The following CUBN variants were observed in gnomAD, a reference collection of about 807,000 sequenced individuals.
The protein encoded by CUBN is cubilin, also known as 460 kDa receptor.
In CUBN, 282 loss-of-function variants were observed where a neutral mutation model predicts 405.3. The observed-to-expected ratio is 0.70, with a 90% confidence interval of 0.63 to 0.77. The LOEUF is 0.77. CUBN is among the 30% of genes least tolerant of loss of function. CUBN has a pLI of 0.00. For missense variants in CUBN, 4,514 were observed against 4,475.2 expected (o/e 1.01, Z -0.25); for synonymous variants, 1,684 against 1,617.0 (o/e 1.04, Z -0.99).
rs1160144735 is a variant in CUBN, at chr10:16,990,429, A to T, written c.4255T>A (p.Trp1419Arg). 1 of 1,614,172 alleles carries T rather than the reference A, an allele frequency of 6.2e-7. No homozygotes were observed. ...NRYPPNKECI[W>R]YIRTDPGSSI... The stretch of plus-strand genomic sequence containing the variant: ...CTCCCGGGGTCCGTCCTAATGTACC[A>T]GATACACTCCTTGTTTGGTGGATAC... The change falls in exon 29 of 67, where the codon TGG (tryptophan) becomes AGG (arginine). Residue 1419 changes from tryptophan (W) to arginine (R), a missense_variant. Physicochemically the swap from Trp to Arg is moderately radical, Grantham distance 101 (BLOSUM62 -3). Around this residue, in one of 5 missense-constraint regions of CUBN, gnomAD observed 1,613 missense variants for 1,542.8 expected, o/e 1.05. Coordinates refer to ENST00000377833, the MANE Select transcript of CUBN (RefSeq NM_001081.4).
chr10:16,875,046 G>C (rs192110975), intron 57 of CUBN, among the ~76,000 whole-genome samples: 284 of 152,054 alleles, frequency 1.9e-3, no homozygotes, highest in Middle Eastern at 3.4e-3. Flanking sequence ...CAAATGTATA[G>C]CTCTCCAGTC....
At chr10:16,888,219 C>T (rs943086345) in intron 56 of CUBN, among the ~76,000 whole-genome samples, 198 bp downstream of exon 56, 9 of 152,000 alleles carry the variant, frequency 5.9e-5, no homozygotes, top group South Asian at 2.1e-4. Context: ...GATTACTTGC[C>T]GAATACTTAA....
At chr10:17,027,140 T>C (rs1052672442) in intron 27 of CUBN, among the ~76,000 whole-genome samples, 1 of 152,244 alleles carries the variant, frequency 6.6e-6, no homozygotes, top group Non-Finnish European at 1.5e-5. Flanking sequence ...ATTACTCCTA[T>C]TAGAAGCCAC....
chr10:17,125,677 G>C (rs1588660473), intron 4 of CUBN, among the ~76,000 whole-genome samples: 1 of 152,180 alleles, frequency 6.6e-6, no homozygotes, highest in Non-Finnish European at 1.5e-5. Context: ...GTGGTGGCCA[G>C]AGAGCATTTG....
At chr10:17,026,291 T>A (rs1046010043) in intron 27 of CUBN, among the ~76,000 whole-genome samples, 1 of 152,130 alleles carries the variant, frequency 6.6e-6, no homozygotes, top group African/African-American at 2.4e-5. Flanking sequence ...TACTTTAAAT[T>A]TGAAGGGCTT....
chr10:16,833,412 G>A (rs569179511), intron 64 of CUBN, among the ~76,000 whole-genome samples: 1 of 152,294 alleles, frequency 6.6e-6, no homozygotes, highest in South Asian at 2.1e-4. Flanking sequence ...CTTCCTCCGA[G>A]TGTTATTTAT....
At chr10:16,987,575 T>G (rs45503398) in intron 29 of CUBN, among the ~76,000 whole-genome samples, 1,557 of 152,302 alleles carry the variant, frequency 0.01, 18 homozygotes, top group Non-Finnish European at 0.015. Flanking sequence ...GGCTTCTGAA[T>G]AAATTTTGTG....
intron 36 of CUBN, among the ~76,000 whole-genome samples, chr10:16,942,526 A>T (rs7908452): frequency 0.35 from 53,129 of 152,016 alleles, 12,280 homozygotes; most frequent in African/African-American, 0.65. Context: ...AAAACCACAA[A>T]GAGATAACAC....
intron 28 of CUBN, among the ~76,000 whole-genome samples, chr10:17,014,231 C>T (rs1431258507): frequency 6.6e-6 from 1 of 152,132 alleles, no homozygotes; most frequent in Non-Finnish European, 1.5e-5. Context: ...GTGGGGTTGT[C>T]CCATGAGTCT....
chr10:17,044,436 T>C (rs531805906), intron 25 of CUBN, among the ~76,000 whole-genome samples: 125 of 152,036 alleles, frequency 8.2e-4, no homozygotes, highest in African/African-American at 2.3e-3. Flanking sequence ...GCTGTGGACA[T>C]GTGCAGCAGT....
intron 45 of CUBN, 95 bp from the exon 46 acceptor site, chr10:16,916,125 C>A (rs1328722934): frequency 4.8e-6 from 6 of 1,253,734 alleles, no homozygotes; most frequent in Non-Finnish European, 5.6e-6. Context: ...TTCACCAGCA[C>A]ATTTGAAAAC....
intron 31 of CUBN, among the ~76,000 whole-genome samples, chr10:16,956,619 G>A (rs533530274): frequency 4.1e-4 from 62 of 151,932 alleles, no homozygotes; most frequent in Non-Finnish European, 3.4e-4. Context: ...GCTGTCCTAA[G>A]GTTATAGATA....
At chr10:17,122,124 GC>G (rs1478066742) in intron 6 of CUBN, 1 of 154,094 alleles carries the variant, frequency 6.5e-6, no homozygotes, top group African/African-American at 2.4e-5. Context: ...GAACATAGAG[GC>G]CCTGAGATGC....
chr10:17,102,622 T>TTA (rs1165747510), intron 13 of CUBN, among the ~76,000 whole-genome samples: 1 of 127,436 alleles, frequency 7.8e-6, no homozygotes, highest in African/African-American at 3.1e-5. Flanking sequence ...TTTTTTTTTT[T>TTA]GTGAGATGGA....
At chr10:17,106,294 AT>A (rs1240052385) in intron 10 of CUBN, among the ~76,000 whole-genome samples, 1 of 148,914 alleles carries the variant, frequency 6.7e-6, no homozygotes, top group East Asian at 2.0e-4. Flanking sequence ...CCAAGAAAAA[AT>A]TTTTTAATTA....
chr10:17,031,264 C>G (rs1255755672), intron 27 of CUBN, among the ~76,000 whole-genome samples: 1 of 152,158 alleles, frequency 6.6e-6, no homozygotes, highest in Non-Finnish European at 1.5e-5. Context: ...TGAAGGCTCT[C>G]TATTTGTGAA....
At chr10:17,038,235 T>C (rs1834940478) in intron 27 of CUBN, among the ~76,000 whole-genome samples, 1 of 152,212 alleles carries the variant, frequency 6.6e-6, no homozygotes, top group Non-Finnish European at 1.5e-5. Context: ...CATTTCTATA[T>C]TCAATCACTC....
At chr10:16,902,238 CTATA>C in intron 51 of CUBN, among the ~76,000 whole-genome samples, 1 of 123,744 alleles carries the variant, frequency 8.1e-6, no homozygotes, top group East Asian at 2.2e-4. Flanking sequence ...TATATATATA[CTATA>C]TATATTTGTA....
chr10:16,836,528 C>A, intron 62 of CUBN, 146 bp from the exon 63 acceptor site: 1 of 797,508 alleles, frequency 1.3e-6, no homozygotes, highest in Non-Finnish European at 2.1e-6. Flanking sequence ...TGCAAGAAGA[C>A]TCACGTTGGC....
Sources: allele counts gnomAD v4.1 joint callset (sites outside exome capture counted in the v4.1 genomes callset), GRCh38; gene constraint gnomAD v4.1.1; regional missense constraint gnomAD v4.1.1; transcripts MANE v1.5; gene names NCBI Gene and HGNC (gene_info 2026-07-23, HGNC 2026-07-21).